Variants in PCDHGA3 observed in about 807,000 individuals in gnomAD.
The protein encoded by PCDHGA3 is protocadherin gamma subfamily A, 3, also known as protocadherin gamma-A3.
In PCDHGA3, 40 loss-of-function variants were observed where a neutral mutation model predicts 58.5. That is an observed-to-expected ratio of 0.68 (90% CI 0.53 to 0.89). The LOEUF is 0.89. PCDHGA3 is among the 40% of genes least tolerant of loss of function. PCDHGA3 has a pLI of 0.00. For missense variants in PCDHGA3, 1,223 were observed against 1,195.9 expected (o/e 1.02, Z -0.33); for synonymous variants, 530 against 525.7 (o/e 1.01, Z -0.11).
intron 2 of PCDHGA3, among the ~76,000 whole-genome samples, chr5:141,503,518 G>A (rs576791899): frequency 6.7e-6 from 1 of 149,524 alleles, no homozygotes; most frequent in East Asian, 2.0e-4. Flanking sequence ...AGAATCACTT[G>A]AACCTGGGAG....
chr5:141,456,321 G>A (rs2098849819), intron 1 of PCDHGA3, among the ~76,000 whole-genome samples: 1 of 152,154 alleles, frequency 6.6e-6, no homozygotes, highest in African/African-American at 2.4e-5. Context: ...GGCTCCTCCT[G>A]GGGTTGATCT....
intron 1 of PCDHGA3, chr5:141,388,083 C>A (rs942656707): frequency 1.5e-6 from 2 of 1,358,264 alleles, no homozygotes; most frequent in South Asian, 1.3e-5. Flanking sequence ...TCGAAAACTG[C>A]GCGTCAGTTC....
At chr5:141,351,812 C>A (rs572024020) in intron 1 of PCDHGA3, 1 of 1,613,306 alleles carries the variant, frequency 6.2e-7, no homozygotes, top group South Asian at 1.1e-5. Flanking sequence ...CGCCTTCGAC[C>A]ACGAGCAGCT....
At chr5:141,357,213 C>T in intron 1 of PCDHGA3, 3 of 1,613,884 alleles carry the variant, frequency 1.9e-6, no homozygotes, top group Non-Finnish European at 2.5e-6. Flanking sequence ...TCCCAGATGT[C>T]CTGGCTGACT....
intron 1 of PCDHGA3, chr5:141,375,669 A>T (rs755513841): frequency 1.8e-5 from 29 of 1,614,240 alleles, no homozygotes; most frequent in Non-Finnish European, 2.4e-5. Context: ...AGAGACCTAC[A>T]GCTGTGGGTG....
rs138831045 is a variant in PCDHGA3 at position 141,462,238 on chromosome 5, G to A, written c.2425-32569G>A. Among the ~76,000 whole-genome samples the A allele has an allele frequency of 2.9e-3, 441 of 152,288 alleles. 3 individuals carry two copies. Among genetic ancestry groups the A allele is most frequent in the African/African-American group, 9.9e-3 (412 of 41,566 alleles). On this transcript the variant is annotated intron_variant, in intron 1 of 3. Coordinates refer to ENST00000253812, the MANE Select transcript of PCDHGA3 (RefSeq NM_018916.4). ...GCCTCCCAAAGTGCAGGGATTACAG[G>A]TATGAGCCACCATGACCAGCCTAAA...
chr5:141,346,131 G>A lies in PCDHGA3; in HGVS notation c.2098G>A (p.Val700Ile). The A allele has an allele frequency of 1.2e-6, 2 of 1,613,962 alleles. No individual in the cohort carries two copies. The highest frequency in any genetic ancestry group is 1.7e-6 in the Non-Finnish European group (2 of 1,179,920). ...TLYLVVAVAA[V>I]SCVFLAFVIV... ...GTACCTGGTGGTGGCGGTGGCCGCG[G>A]TCTCCTGCGTCTTCCTGGCCTTCGT... Residue 700 changes from valine to isoleucine, a missense_variant, in exon 1 of 4, where the codon GTC becomes ATC. By Grantham distance (29) the Val-to-Ile change is conservative (BLOSUM62 3). Coordinates refer to ENST00000253812, the MANE Select transcript of PCDHGA3 (RefSeq NM_018916.4).
At position 141,356,330 on chromosome 5, in the gene PCDHGA3, G is replaced by A. The variant is rs1191042860; in HGVS notation, c.2424+9873G>A. On this transcript the variant is annotated intron_variant, in intron 1 of 3. Coordinates refer to ENST00000253812, the MANE Select transcript of PCDHGA3 (RefSeq NM_018916.4). ...TTCAACGTGCATGACAGTGACTCAG[G>A]AGGAAATGGCCTAGTCACATGTTCT... 5 of 1,554,374 alleles carry A rather than the reference G, an allele frequency of 3.2e-6. No individual in the cohort carries two copies. In the South Asian group the frequency reaches 3.5e-5, roughly 11 times the overall value.
rs919375073 is a variant in PCDHGA3 at position 141,490,642 on chromosome 5, C to A, written c.2425-4165C>A. On this transcript the variant is annotated intron_variant, in intron 1 of 3. Coordinates refer to ENST00000253812, the MANE Select transcript of PCDHGA3 (RefSeq NM_018916.4). This position sits in a 1 kb window ranked among gnomAD's most constrained non-coding sequence, Gnocchi z 5.4. ...CACTGCTTACATCCTAGAAAACCGG[C>A]CTCCGGGCTCCCTTCTTTGCACTGT... 4.3e-6 allele frequency: 7 copies of A among 1,614,102 alleles called. No individual in the cohort carries two copies. In the African/African-American group the frequency reaches 6.7e-5, roughly 15 times the overall value.
rs371823901 is a variant in PCDHGA3 at position 141,384,767 on chromosome 5, C to T, written c.2424+38310C>T. 6.8e-6 allele frequency: 11 copies of T among 1,613,806 alleles called. No individual in the cohort carries two copies. The African/African-American group carries it at 9.3e-5, about 14-fold the overall frequency. The stretch of plus-strand genomic sequence containing the variant: ...GGACTCTTTGCGGTTGGGCTGTACA[C>T]GGGCGAGGTGCGCACGGCTCGGGCC... On this transcript the variant is annotated intron_variant, in intron 1 of 3. Coordinates refer to ENST00000253812, the MANE Select transcript of PCDHGA3 (RefSeq NM_018916.4).
chr5:141,371,112 C>T (rs756319459), intron 1 of PCDHGA3: 1 of 1,613,922 alleles, frequency 6.2e-7, no homozygotes, highest in Non-Finnish European at 8.5e-7. Flanking sequence ...TGATAACCCC[C>T]CAGTATTTAC....
At chr5:141,497,540 C>T (rs866982821) in intron 2 of PCDHGA3, among the ~76,000 whole-genome samples, 5 of 134,944 alleles carry the variant, frequency 3.7e-5, no homozygotes, top group African/African-American at 1.1e-4. Context: ...TGCAACAAAC[C>T]TTTTTTTTTT....
At chr5:141,419,137 C>T (rs764281503) in intron 1 of PCDHGA3, 1 of 1,613,892 alleles carries the variant, frequency 6.2e-7, no homozygotes, top group Non-Finnish European at 8.5e-7. Flanking sequence ...CAGCCACAGA[C>T]AGGGGCAAGC....
chr5:141,382,810 C>T, intron 1 of PCDHGA3: 3 of 1,162,786 alleles, frequency 2.6e-6, no homozygotes, highest in Non-Finnish European at 3.7e-6. Context: ...TCTGAGCTCC[C>T]CTTCCTAAGA....
In PCDHGA3 at chr5:141,438,090, A is replaced by G. The variant is rs560861677; in HGVS notation, c.2425-56717A>G. 1.2e-4 allele frequency among the ~76,000 whole-genome samples: 18 copies of G among 152,310 alleles called. No individual in the cohort carries two copies. In the South Asian group the frequency reaches 3.5e-3, roughly 30 times the overall value. ...CATACTTAATGGAAAATTACCAGTA[A>G]CAGGGCATACTGTTTAGGATGCATT... On this transcript the variant is annotated intron_variant, in intron 1 of 3. Coordinates refer to ENST00000253812, the MANE Select transcript of PCDHGA3 (RefSeq NM_018916.4).
At chr5:141,448,602 A>G (rs1350132402) in intron 1 of PCDHGA3, among the ~76,000 whole-genome samples, 1 of 152,154 alleles carries the variant, frequency 6.6e-6, no homozygotes, top group Non-Finnish European at 1.5e-5. Flanking sequence ...AAAATACTAT[A>G]CACCACTTTA....
rs771884610 is a variant in PCDHGA3, at chr5:141,491,436, G to T, written c.2425-3371G>T. 1 of 1,614,070 alleles carries T rather than the reference G, an allele frequency of 6.2e-7. No individual in the cohort carries two copies. ...ACGGGGGTGGAGGGCAGTGCTGCAGGCGCCAGGACTCACCCTCCCCGGACT... is the reference window on the plus strand; with the variant it reads ...ACGGGGGTGGAGGGCAGTGCTGCAGTCGCCAGGACTCACCCTCCCCGGACT... On this transcript the variant is annotated intron_variant, in intron 1 of 3. Coordinates refer to ENST00000253812, the MANE Select transcript of PCDHGA3 (RefSeq NM_018916.4). The surrounding 1 kb of genome is among the most constrained non-coding windows in gnomAD (Gnocchi z 6.9).
At chr5:141,348,209 C>T (rs539504808) in intron 1 of PCDHGA3, among the ~76,000 whole-genome samples, 12 of 152,292 alleles carry the variant, frequency 7.9e-5, no homozygotes, top group African/African-American at 2.9e-4. Flanking sequence ...ATTCCTCCCT[C>T]AATATATTAG....
chr5:141,388,779 A>C lies in PCDHGA3; in HGVS notation c.2424+42322A>C, dbSNP rs2091486135. The C allele has an allele frequency of 4.3e-6, 7 of 1,613,974 alleles. No individual in the cohort carries two copies. In the East Asian group the frequency reaches 1.6e-4, roughly 36 times the overall value. On this transcript the variant is annotated intron_variant, in intron 1 of 3. Coordinates refer to ENST00000253812, the MANE Select transcript of PCDHGA3 (RefSeq NM_018916.4). ...TGACCTGAACTCTAACACCGGGGAAATTACTGTTTTAAATACATTAGATTT... is the reference window on the plus strand; with the variant it reads ...TGACCTGAACTCTAACACCGGGGAACTTACTGTTTTAAATACATTAGATTT...
Sources: gnomAD v4.1 joint callset for allele counts (sites outside exome capture counted in the v4.1 genomes callset) on GRCh38, gnomAD v4.1.1 for gene constraint, Gnocchi (gnomAD v3.1) non-coding constraint, MANE v1.5 for transcripts, NCBI Gene and HGNC (gene_info 2026-07-23, HGNC 2026-07-21) for gene names.